The following SSU72 variants were observed in gnomAD, a reference collection of about 807,000 sequenced individuals.
SSU72 encodes the protein RNA polymerase II subunit A C-terminal domain phosphatase SSU72.
Under a neutral mutation model 22.7 loss-of-function variants are expected in SSU72, and 12 were observed. The ratio of observed to expected loss-of-function variants is 0.53; its 90% CI spans 0.34 to 0.86. The LOEUF is 0.86. Among genes scored for constraint, SSU72 ranks in the 40% least tolerant of loss-of-function variants. The pLI is 0.02. For missense variants in SSU72, 151 were observed against 249.8 expected, an observed-to-expected ratio of 0.60 and a Z score of 2.67; for synonymous variants, 116 against 98.3, an observed-to-expected ratio of 1.18 and a Z score of -1.06.
intron 2 of SSU72, among the ~76,000 whole-genome samples, chr1:1,552,696 G>C (rs1451635869): frequency 2.0e-5 from 3 of 152,308 alleles, no homozygotes; most frequent in African/African-American, 4.8e-5. Flanking sequence ...TATCTAGTCA[G>C]ACTGAGGCTT....
intron 2 of SSU72, among the ~76,000 whole-genome samples, chr1:1,553,550 C>T (rs896919016): frequency 1.4e-5 from 2 of 146,298 alleles, no homozygotes; most frequent in South Asian, 4.3e-4. Context: ...CTGAGGCCAG[C>T]AGATCATAAG....
intron 2 of SSU72, among the ~76,000 whole-genome samples, chr1:1,550,719 G>GTAAA: frequency 6.6e-6 from 1 of 152,316 alleles, no homozygotes; most frequent in African/African-American, 2.4e-5. Flanking sequence ...GGAGGGCGGA[G>GTAAA]GTTTAGCAAA....
At chr1:1,564,372 T>C in intron 2 of SSU72, 2 of 1,179,564 alleles carry the variant, frequency 1.7e-6, no homozygotes, top group South Asian at 3.4e-5. Flanking sequence ...GCAGCCCGGC[T>C]CCATGTGTAT....
chr1:1,574,439 CG>C, intron 1 of SSU72, 38 bp downstream of exon 1: 1 of 1,564,540 alleles, frequency 6.4e-7, no homozygotes, highest in South Asian at 1.2e-5. Context: ...GGCCGGTCGC[CG>C]GAGCAGAGCG....
chr1:1,542,123 C>T lies in SSU72; in HGVS notation c.528G>A (p.Leu176=). 1 of 1,596,304 alleles carries T rather than the reference C, an allele frequency of 6.3e-7. No individual in the cohort carries two copies. The highest frequency in any genetic ancestry group is 8.5e-7 in the Non-Finnish European group (1 of 1,171,706). ...GGCCACTCTTCTCCTCGAACTCCTG[C>T]AGCAGCTCGTCGATCTCGTTCTCCA... is the stretch of plus-strand genomic sequence containing the variant. ...EDMENEIDEL[L]QEFEEKSGRT... The change falls in exon 5 of 5, where the codon CTG becomes CTA. Residue 176 remains leucine (L), a synonymous_variant. Coordinates refer to ENST00000291386, the MANE Select transcript of SSU72 (RefSeq NM_014188.3). The surrounding 1 kb of genome is among the most constrained non-coding windows in gnomAD (Gnocchi z 4.4).
At chr1:1,547,762 C>CGA (rs1482720938) in intron 2 of SSU72, among the ~76,000 whole-genome samples, 1 of 152,308 alleles carries the variant, frequency 6.6e-6, no homozygotes, top group Admixed American at 6.5e-5. Context: ...GGCCTGCGTG[C>CGA]GAGAGCCTGC....
intron 1 of SSU72, among the ~76,000 whole-genome samples, chr1:1,572,877 T>TGG (rs80340276): frequency 0.031 from 2,546 of 83,224 alleles, 135 homozygotes; most frequent in Non-Finnish European, 0.052. Context: ...AATTTTGTCT[T>TGG]GGGGGGGGGG....
At chr1:1,563,204 TA>T (rs1248718463) in intron 2 of SSU72, 1 of 152,240 alleles carries the variant, frequency 6.6e-6, no homozygotes, top group Non-Finnish European at 1.5e-5. Flanking sequence ...GCTACCTAAT[TA>T]ATCTACCTGT....
chr1:1,545,951 G>A (rs1642384451), intron 2 of SSU72: 1 of 152,352 alleles, frequency 6.6e-6, no homozygotes, highest in Non-Finnish European at 1.5e-5. Context: ...GCTGAAAGGG[G>A]GCCTTGGGGT....
intron 1 of SSU72, among the ~76,000 whole-genome samples, chr1:1,566,619 G>A (rs949469517): frequency 6.6e-6 from 1 of 152,178 alleles, no homozygotes; most frequent in African/African-American, 2.4e-5. Flanking sequence ...TTGGGAGGCC[G>A]AGGTGGGCAG....
rs187825326 is a variant in SSU72 at position 1,565,833 on chromosome 1, T to C, written c.81-917A>G. 1.1e-4 allele frequency among the ~76,000 whole-genome samples: 16 copies of C among 152,312 alleles called. No homozygotes were observed. In the East Asian group the frequency reaches 2.9e-3, roughly 28 times the overall value. On this transcript the variant is annotated intron_variant, in intron 1 of 4. Transcript: ENST00000291386. ...GGAAACGTGTGTCATGTGCCACCAA[T>C]GAGCTCTAGTTCACGCAAGGAGAAA...
chr1:1,554,433 T>A lies in SSU72; in HGVS notation c.225-9431A>T, dbSNP rs913135441. ...GCCCTCGCTGACCACCCACACCCATTTGATGTGGTTGCTCTCAGGATAAAC... is the reference window on the plus strand; with the variant it reads ...GCCCTCGCTGACCACCCACACCCATATGATGTGGTTGCTCTCAGGATAAAC... On this transcript the variant is annotated intron_variant, in intron 2 of 4. Transcript: ENST00000291386. The surrounding 1 kb of genome is among the most constrained non-coding windows in gnomAD (Gnocchi z 4.1). Among the ~76,000 whole-genome samples, 9 of 152,132 alleles carry A rather than the reference T, an allele frequency of 5.9e-5. No individual in the cohort carries two copies. Among genetic ancestry groups the A allele is most frequent in the African/African-American group, 1.9e-4 (8 of 41,422 alleles).
chr1:1,546,804 C>T (rs1471353649), intron 2 of SSU72, among the ~76,000 whole-genome samples: 2 of 147,108 alleles, frequency 1.4e-5, no homozygotes, highest in East Asian at 2.0e-4. Flanking sequence ...GATCACACCA[C>T]GGCACTTCGG....
chr1:1,559,670 C>T (rs955007545), intron 2 of SSU72, among the ~76,000 whole-genome samples: 1 of 152,306 alleles, frequency 6.6e-6, no homozygotes, highest in Non-Finnish European at 1.5e-5. Context: ...AGTGACCCTC[C>T]CGCCTCAGCC....
chr1:1,574,400 C>T (rs902094734), intron 1 of SSU72, 78 bp downstream of exon 1: 24 of 1,470,930 alleles, frequency 1.6e-5, no homozygotes, highest in Non-Finnish European at 2.1e-5. Context: ...GGTCCTGGCG[C>T]GGGCCAGGGG....
At chr1:1,556,384 C>A (rs911582105) in intron 2 of SSU72, among the ~76,000 whole-genome samples, 1 of 151,958 alleles carries the variant, frequency 6.6e-6, no homozygotes, top group African/African-American at 2.4e-5. Flanking sequence ...ACTAAAAATA[C>A]AAAAAATTAG....
intron 2 of SSU72, chr1:1,563,341 G>A (rs1237953096): frequency 4.6e-5 from 7 of 151,042 alleles, no homozygotes; most frequent in Admixed American, 3.3e-4. Context: ...AGACCAGTTT[G>A]GTCAAGATGG....
chr1:1,572,877 TGGGGG>T lies in SSU72; in HGVS notation c.80+1596_80+1600del, dbSNP rs80340276. Among the ~76,000 whole-genome samples the T allele has an allele frequency of 2.4e-5, 2 of 83,670 alleles. 1 individual carries two copies. Among genetic ancestry groups the T allele is most frequent in the Non-Finnish European group, 5.5e-5 (2 of 36,458 alleles). 54.9% of individuals were successfully genotyped at this position (83,670 alleles called of 152,430 possible). Reference sequence around the variant, plus strand: ...ATTCCAATTAACAATAATTTTGTCTTGGGGGGGGGGGGGTGAGCCTTGCATTGTTT... The same window carrying T: ...ATTCCAATTAACAATAATTTTGTCTTGGGGGGGGTGAGCCTTGCATTGTTT... On this transcript the variant is annotated intron_variant, in intron 1 of 4. Transcript: ENST00000291386.
In SSU72 at chr1:1,554,240, A is replaced by C. The variant is rs1642491170; in HGVS notation, c.225-9238T>G. ...CTAAGGGGTCCCCACGAAGCTGAGC[A>C]TGAGGCGGACCCGGACCACTCGGGG... On this transcript the variant is annotated intron_variant, in intron 2 of 4. Transcript: ENST00000291386. The surrounding 1 kb of genome is among the most constrained non-coding windows in gnomAD (Gnocchi z 4.1). Among the ~76,000 whole-genome samples the C allele has an allele frequency of 7.0e-6, 1 of 142,882 alleles. No individual in the cohort carries two copies. Among genetic ancestry groups the C allele is most frequent in the South Asian group, 2.1e-4 (1 of 4,704 alleles). 93.7% of individuals were successfully genotyped at this position (142,882 alleles called of 152,430 possible).
Sources: gnomAD v4.1 joint callset for allele counts (sites outside exome capture counted in the v4.1 genomes callset) on GRCh38, gnomAD v4.1.1 for gene constraint, Gnocchi (gnomAD v3.1) non-coding constraint, MANE v1.5 for transcripts, NCBI Gene and HGNC (gene_info 2026-07-23, HGNC 2026-07-21) for gene names.